Variants in LYZL1 observed in about 807,000 individuals in gnomAD.
LYZL1 encodes the protein lysozyme-like protein 1.
In LYZL1, 16 loss-of-function variants were observed where a neutral mutation model predicts 17.9. The ratio of observed to expected loss-of-function variants is 0.90; its 90% CI spans 0.61 to 1.36. The LOEUF is 1.36. LYZL1 is among the 40% of genes most tolerant of loss of function. LYZL1 has a pLI of 0.00. For synonymous variants in LYZL1, 58 were observed against 71.8 expected, an observed-to-expected ratio of 0.81 and a Z score of 0.97; for missense variants, 149 against 188.4, an observed-to-expected ratio of 0.79 and a Z score of 1.22.
At chr10:29,312,851 T>G (rs1477231923), downstream of LYZL1, among the ~76,000 whole-genome samples, 2 of 152,166 alleles carry the variant, frequency 1.3e-5, no homozygotes, top group Non-Finnish European at 2.9e-5. Context: ...GTGAAGGTAG[T>G]AGGCTCATGT....
At chr10:29,301,236 C>T (rs1298311066) in intron 3 of LYZL1, among the ~76,000 whole-genome samples, 1 of 152,200 alleles carries the variant, frequency 6.6e-6, no homozygotes, top group Non-Finnish European at 1.5e-5. Context: ...TGCCATCCAT[C>T]TAAGACATGA....
chr10:29,304,888 A>G (rs1360575000), intron 3 of LYZL1, among the ~76,000 whole-genome samples: 1 of 152,224 alleles, frequency 6.6e-6, no homozygotes, highest in Admixed American at 6.5e-5. Context: ...ACTAAATGCT[A>G]TAACAAAGTA....
intron 1 of LYZL1, among the ~76,000 whole-genome samples, chr10:29,290,454 G>C (rs1385400313): frequency 6.6e-6 from 1 of 152,118 alleles, no homozygotes; most frequent in Non-Finnish European, 1.5e-5. Context: ...CATCCCTCTT[G>C]CTCCCCAGTC....
chr10:29,294,634 G>T (rs1835421980), intron 3 of LYZL1, among the ~76,000 whole-genome samples: 1 of 152,200 alleles, frequency 6.6e-6, no homozygotes, highest in Non-Finnish European at 1.5e-5. Flanking sequence ...TGAATAAATG[G>T]AGAGAATGAG....
chr10:29,311,561 G>T (rs1442639263), downstream of LYZL1, among the ~76,000 whole-genome samples: 1 of 152,168 alleles, frequency 6.6e-6, no homozygotes, highest in Non-Finnish European at 1.5e-5. Context: ...CGCAAGAGAC[G>T]CAGAGAGATA....
chr10:29,308,265 G>T (rs541216628), intron 3 of LYZL1, among the ~76,000 whole-genome samples: 20 of 152,346 alleles, frequency 1.3e-4, no homozygotes, highest in South Asian at 2.1e-4. Flanking sequence ...CCCACACCCA[G>T]TGACATGTGA....
chr10:29,289,722 G>T (rs1477389124), intron 1 of LYZL1, among the ~76,000 whole-genome samples: 1 of 152,036 alleles, frequency 6.6e-6, no homozygotes, highest in Non-Finnish European at 1.5e-5. Context: ...CCTGGCCTTA[G>T]CTCTGCATCT....
chr10:29,296,031 C>G (rs984435164), intron 3 of LYZL1, among the ~76,000 whole-genome samples: 1 of 152,150 alleles, frequency 6.6e-6, no homozygotes, highest in Non-Finnish European at 1.5e-5. Flanking sequence ...AATCCCCTGG[C>G]ACTCTTCCAG....
intron 3 of LYZL1, among the ~76,000 whole-genome samples, chr10:29,307,211 T>C (rs999973721): frequency 2.6e-5 from 4 of 152,204 alleles, no homozygotes; most frequent in African/African-American, 9.6e-5. Context: ...CACCATATTG[T>C]ACATTAGATC....
intron 3 of LYZL1, among the ~76,000 whole-genome samples, chr10:29,297,564 T>C (rs1255471397): frequency 1.4e-4 from 21 of 152,242 alleles, no homozygotes; most frequent in Non-Finnish European, 1.8e-4. Flanking sequence ...TGCACCATTC[T>C]GCTTTGTCTC....
chr10:29,291,680 G>A (rs1417059137), intron 1 of LYZL1, among the ~76,000 whole-genome samples, 163 bp from the exon 2 acceptor site: 438 of 150,038 alleles, frequency 2.9e-3, no homozygotes, highest in East Asian at 7.4e-3. Context: ...GCCTTCAGTT[G>A]CCTTCCTTCC....
intron 4 of LYZL1, among the ~76,000 whole-genome samples, chr10:29,317,879 G>T (rs1455765550): frequency 2.0e-5 from 3 of 151,820 alleles, no homozygotes; most frequent in Non-Finnish European, 4.4e-5. Flanking sequence ...GGAAGTTCAA[G>T]GTTACAGTGA....
At chr10:29,301,024 GT>G (rs367825899) in intron 3 of LYZL1, among the ~76,000 whole-genome samples, 266 of 151,956 alleles carry the variant, frequency 1.8e-3, no homozygotes, top group African/African-American at 6.3e-3. Flanking sequence ...GGGTGATATG[GT>G]TTTGCTGTGT....
chr10:29,310,482 C>A (rs1282024539), intron 4 of LYZL1, among the ~76,000 whole-genome samples: 2 of 149,714 alleles, frequency 1.3e-5, no homozygotes, highest in African/African-American at 5.0e-5. Context: ...AAAGGGTCAA[C>A]TGAATCAATT....
chr10:29,311,338 G>A (rs1835670386), downstream of LYZL1: 1 of 967,618 alleles, frequency 1.0e-6, no homozygotes, highest in East Asian at 4.9e-5. Flanking sequence ...TTCATTGTAG[G>A]GAGTCCTGGT....
At chr10:29,292,984 A>G (rs1239829020) in intron 3 of LYZL1, among the ~76,000 whole-genome samples, 1 of 152,188 alleles carries the variant, frequency 6.6e-6, no homozygotes, top group Non-Finnish European at 1.5e-5. Context: ...AGAAAAAGGA[A>G]GCTGCCTGCC....
chr10:29,291,606 T>C (rs1483931496), intron 1 of LYZL1, among the ~76,000 whole-genome samples: 1 of 152,040 alleles, frequency 6.6e-6, no homozygotes, highest in Non-Finnish European at 1.5e-5. Flanking sequence ...TTTTTTTGCT[T>C]GCTTAACCCT....
At chr10:29,301,673 T>C (rs531897611) in intron 3 of LYZL1, among the ~76,000 whole-genome samples, 14 of 152,338 alleles carry the variant, frequency 9.2e-5, no homozygotes, top group Non-Finnish European at 1.8e-4. Context: ...TTTATCTTAC[T>C]TGGCATTCAT....
downstream of LYZL1, among the ~76,000 whole-genome samples, chr10:29,315,257 C>T (rs1285410150): frequency 6.6e-6 from 1 of 152,180 alleles, no homozygotes. Flanking sequence ...CGCCTGTAAT[C>T]CCAGCACTTT....
Sources: allele counts gnomAD v4.1 joint callset (sites outside exome capture counted in the v4.1 genomes callset), GRCh38; gene constraint gnomAD v4.1.1; transcripts MANE v1.5; gene names NCBI Gene and HGNC (gene_info 2026-07-23, HGNC 2026-07-21).